CNTN4: variants seen among roughly 807,000 people sequenced by gnomAD.
CNTN4 encodes contactin-4.
A neutral mutation model predicts 122.5 loss-of-function variants in CNTN4; 77 were observed. The ratio of observed to expected loss-of-function variants is 0.63; its 90% CI spans 0.52 to 0.76. The LOEUF (loss-of-function observed/expected upper bound fraction) is 0.76, where lower values mean the gene tolerates loss of function less well. Among genes scored for constraint, CNTN4 ranks in the 30% least tolerant of loss-of-function variants. The probability of loss-of-function intolerance (pLI) is 0.00; values close to 1 mark genes in which losing one functional copy is unlikely to be tolerated. For missense variants in CNTN4, 1,256 were observed against 1,259.1 expected (o/e 1.00, Z 0.04); for synonymous variants, 512 against 447.0 (o/e 1.15, Z -1.83).
intron 7 of CNTN4, among the ~76,000 whole-genome samples, chr3:2,840,488 C>T (rs886563511): frequency 2.1e-5 from 3 of 143,852 alleles, no homozygotes; most frequent in Non-Finnish European, 4.6e-5. Context: ...ATCACGAGGT[C>T]AGGAGATCGA....
intron 4 of CNTN4, among the ~76,000 whole-genome samples, chr3:2,634,065 T>C (rs1281061238): frequency 1.3e-5 from 2 of 152,228 alleles, no homozygotes; most frequent in Non-Finnish European, 2.9e-5. Context: ...CTTTGGAGGA[T>C]TTCATGTAAA....
intron 3 of CNTN4, among the ~76,000 whole-genome samples, chr3:2,383,555 C>G (rs913573614): frequency 3.9e-5 from 6 of 152,116 alleles, no homozygotes; most frequent in African/African-American, 7.2e-5. Flanking sequence ...CCTAGGGAAT[C>G]TTGTCAAGAA....
rs556281503 is a variant in CNTN4 at position 2,806,683 on chromosome 3, A to G, written c.359-12803A>G. Among the ~76,000 whole-genome samples the G allele has an allele frequency of 7.1e-4, 108 of 152,304 alleles. 1 individual carries two copies. Among genetic ancestry groups the G allele is most frequent in the African/African-American group, 2.5e-3 (104 of 41,568 alleles). On this transcript the variant is annotated intron_variant, in intron 6 of 24. Coordinates refer to ENST00000418658, the MANE Select transcript of CNTN4 (RefSeq NM_175607.3). The stretch of plus-strand genomic sequence containing the variant: ...TATAAGGTGAAAATGCTTATTTATT[A>G]GTTTCCTCAGGTGTTACATGAACTA...
At chr3:2,423,697 A>G (rs562877127) in intron 3 of CNTN4, among the ~76,000 whole-genome samples, 51 of 152,114 alleles carry the variant, frequency 3.4e-4, no homozygotes, top group African/African-American at 1.1e-3. Flanking sequence ...CTATCTAGCT[A>G]TTTGTAGTTT....
At chr3:2,663,605 C>T (rs1188425236) in intron 4 of CNTN4, among the ~76,000 whole-genome samples, 2 of 152,036 alleles carry the variant, frequency 1.3e-5, no homozygotes, top group African/African-American at 4.8e-5. Context: ...GAAAGAAAAT[C>T]GAGGCATGCA....
intron 3 of CNTN4, among the ~76,000 whole-genome samples, chr3:2,482,370 A>G (rs2151594326): frequency 6.6e-6 from 1 of 152,274 alleles, no homozygotes; most frequent in African/African-American, 2.4e-5. Flanking sequence ...CTAAGTAACA[A>G]AGGGTTCAAG....
At chr3:3,046,241 A>T (rs571318258) in intron 23 of CNTN4, among the ~76,000 whole-genome samples, 101 of 152,342 alleles carry the variant, frequency 6.6e-4, no homozygotes, top group African/African-American at 2.2e-3. Context: ...CAGCCTAGCA[A>T]GGCAGGCCAA....
At chr3:2,296,799 A>C (rs1180350950) in intron 2 of CNTN4, among the ~76,000 whole-genome samples, 1 of 86,036 alleles carries the variant, frequency 1.2e-5, no homozygotes, top group Non-Finnish European at 2.3e-5. Context: ...GAAAAAAAAA[A>C]ACAACAAAAA....
intron 3 of CNTN4, among the ~76,000 whole-genome samples, chr3:2,353,768 G>C (rs1028617208): frequency 1.3e-5 from 2 of 152,026 alleles, no homozygotes; most frequent in African/African-American, 4.8e-5. Context: ...GTGTGGTGGC[G>C]GGCGCCTGTG....
chr3:2,133,834 G>A (rs2034562272), intron 2 of CNTN4, among the ~76,000 whole-genome samples: 1 of 152,006 alleles, frequency 6.6e-6, no homozygotes, highest in Non-Finnish European at 1.5e-5. Flanking sequence ...CACTGGCTAG[G>A]TCCTTTAACA....
At chr3:2,348,543 C>G (rs1234415500) in intron 3 of CNTN4, among the ~76,000 whole-genome samples, 1 of 152,180 alleles carries the variant, frequency 6.6e-6, no homozygotes. Flanking sequence ...GTCTTCAGTT[C>G]CTCTGTTCCT....
At chr3:2,776,669 G>C (rs1019930935) in intron 6 of CNTN4, among the ~76,000 whole-genome samples, 3 of 152,162 alleles carry the variant, frequency 2.0e-5, no homozygotes, top group African/African-American at 7.2e-5. Context: ...TTGGTTCCCT[G>C]GGTCCCAGCA....
intron 3 of CNTN4, among the ~76,000 whole-genome samples, chr3:2,501,956 A>T (rs748651289): frequency 9.9e-5 from 15 of 152,222 alleles, no homozygotes; most frequent in Non-Finnish European, 1.6e-4. Flanking sequence ...AAAATTATTT[A>T]AAATATTGCA....
chr3:2,980,258 G>A (rs189586799), intron 13 of CNTN4, among the ~76,000 whole-genome samples: 4 of 152,294 alleles, frequency 2.6e-5, no homozygotes, highest in Admixed American at 6.5e-5. Flanking sequence ...CTCTTTTCAT[G>A]TAGGGAAAAT....
intron 3 of CNTN4, among the ~76,000 whole-genome samples, chr3:2,464,088 A>G (rs544235311): frequency 1.3e-5 from 2 of 152,160 alleles, no homozygotes; most frequent in South Asian, 2.1e-4. Context: ...TGATTTCTAC[A>G]TGAAGTTTAC....
At chr3:2,232,803 G>C (rs1326714529) in intron 2 of CNTN4, among the ~76,000 whole-genome samples, 4 of 151,914 alleles carry the variant, frequency 2.6e-5, no homozygotes. Context: ...TTTTTTCTTA[G>C]CTCTTATCAC....
At chr3:2,915,168 C>T (rs1335050710) in intron 12 of CNTN4, among the ~76,000 whole-genome samples, 3 of 152,178 alleles carry the variant, frequency 2.0e-5, no homozygotes, top group African/African-American at 4.8e-5. Context: ...CGGGTTCAAG[C>T]GTATCTCCCA....
intron 6 of CNTN4, among the ~76,000 whole-genome samples, chr3:2,779,479 A>G (rs1485169286): frequency 3.3e-5 from 5 of 152,190 alleles, no homozygotes; most frequent in Non-Finnish European, 7.3e-5. Flanking sequence ...GATTACAGGC[A>G]TGAGCCACAG....
intron 4 of CNTN4, among the ~76,000 whole-genome samples, chr3:2,574,996 T>C (rs111484035): frequency 2.6e-5 from 4 of 152,254 alleles, no homozygotes; most frequent in African/African-American, 9.6e-5. Flanking sequence ...CACCACTTTG[T>C]GACACTTTAT....
Sources: allele counts gnomAD v4.1 joint callset (sites outside exome capture counted in the v4.1 genomes callset), GRCh38; gene constraint gnomAD v4.1.1; transcripts MANE v1.5; gene names NCBI Gene and HGNC (gene_info 2026-07-23, HGNC 2026-07-21).